Variants in ZNF536 observed in about 807,000 individuals in gnomAD.
The protein encoded by ZNF536 is zinc finger protein 536.
Under a neutral mutation model 84.5 loss-of-function variants are expected in ZNF536, and 13 were observed. The ratio of observed to expected loss-of-function variants is 0.15; its 90% CI spans 0.10 to 0.24. The LOEUF (loss-of-function observed/expected upper bound fraction) is 0.24. Among genes scored for constraint, ZNF536 ranks in the 10% least tolerant of loss-of-function variants. The probability of loss-of-function intolerance (pLI) is 1.00; values close to 1 mark genes in which losing one functional copy is unlikely to be tolerated. For synonymous variants in ZNF536, 811 were observed against 742.5 expected (o/e 1.09, Z -1.50); for missense variants, 1,536 against 1,747.5 (o/e 0.88, Z 2.16).
chr19:30,238,230 A>G (rs911238011), intron 1 of ZNF536, among the ~76,000 whole-genome samples: 13 of 152,202 alleles, frequency 8.5e-5, no homozygotes, highest in Non-Finnish European at 1.6e-4. Flanking sequence ...CGGGTGAAGA[A>G]GTGCCATTCC....
At chr19:30,239,556 G>C (rs916681075) in intron 1 of ZNF536, among the ~76,000 whole-genome samples, 2 of 152,190 alleles carry the variant, frequency 1.3e-5, no homozygotes, top group Non-Finnish European at 2.9e-5. Context: ...TGTTGTAGTT[G>C]CAAAGATTCT....
At chr19:30,654,114 G>T (rs531609777) in intron 1 of ZNF536, among the ~76,000 whole-genome samples, 1 of 152,122 alleles carries the variant, frequency 6.6e-6, no homozygotes, top group Admixed American at 6.5e-5. Flanking sequence ...TGTCGCCGAC[G>T]CTCCTTTGAA....
chr19:30,431,773 C>T (rs796649145), intron 1 of ZNF536, among the ~76,000 whole-genome samples: 9 of 152,254 alleles, frequency 5.9e-5, no homozygotes, highest in African/African-American at 1.7e-4. Flanking sequence ...AGGCCAGGGC[C>T]TCTGGTTCCC....
intron 2 of ZNF536, among the ~76,000 whole-genome samples, chr19:30,340,343 A>G (rs1488661894): frequency 6.6e-6 from 1 of 152,170 alleles, no homozygotes; most frequent in African/African-American, 2.4e-5. Context: ...AGGAAATGTC[A>G]GTCAGTCGGG....
intron 1 of ZNF536, among the ~76,000 whole-genome samples, chr19:30,254,011 T>G (rs1290611126): frequency 6.6e-6 from 1 of 152,188 alleles, no homozygotes; most frequent in Non-Finnish European, 1.5e-5. Flanking sequence ...AAGACTGATT[T>G]AACCACAATC....
At position 30,274,497 on chromosome 19, in the gene ZNF536, G is replaced by A. The variant is rs140730222; in HGVS notation, c.-189-9575G>A. On this transcript the variant is annotated intron_variant, in intron 1 of 5. Coordinates refer to the ZNF536 transcript ENST00000585628. ...GCAATTTGTAGTTTACACTCACAGC[G>A]CATCTCAATTTGGACTGGCCAGATT... Among the ~76,000 whole-genome samples, 66 of 152,292 alleles carry A rather than the reference G, an allele frequency of 4.3e-4. 1 individual carries two copies. The highest frequency in any genetic ancestry group is 1.4e-3 in the African/African-American group (58 of 41,556).
At chr19:30,537,370 T>C (rs10421376) in intron 3 of ZNF536, among the ~76,000 whole-genome samples, 32,643 of 152,060 alleles carry the variant, frequency 0.21, 4,825 homozygotes, top group African/African-American at 0.42. Context: ...AGGGCACCCA[T>C]GCTTGAGCTG....
chr19:30,343,492 C>A (rs190165825), intron 2 of ZNF536, among the ~76,000 whole-genome samples: 1 of 152,066 alleles, frequency 6.6e-6, no homozygotes, highest in African/African-American at 2.4e-5. Context: ...GGTGAGGCTC[C>A]GACTTAAGGG....
chr19:30,301,363 C>T (rs1415589454), intron 2 of ZNF536, among the ~76,000 whole-genome samples: 4 of 152,140 alleles, frequency 2.6e-5, no homozygotes, highest in Non-Finnish European at 4.4e-5. Context: ...AATGGGGTAG[C>T]GGCGATGCGG....
chr19:30,575,591 A>T (rs1270973939), intron 1 of ZNF536, among the ~76,000 whole-genome samples: 1 of 152,196 alleles, frequency 6.6e-6, no homozygotes, highest in Non-Finnish European at 1.5e-5. Flanking sequence ...TCCAGAAAGG[A>T]GGCAAAAACT....
At chr19:30,683,068 C>G (rs1490245858) in intron 1 of ZNF536, among the ~76,000 whole-genome samples, 2 of 151,784 alleles carry the variant, frequency 1.3e-5, no homozygotes, top group Non-Finnish European at 2.9e-5. Flanking sequence ...TCAACTTGCC[C>G]TCTCATTCAA....
At chr19:30,371,717 T>C (rs770021908), upstream of ZNF536, among the ~76,000 whole-genome samples, 3 of 151,796 alleles carry the variant, frequency 2.0e-5, no homozygotes, top group Non-Finnish European at 2.9e-5. Context: ...CAGCAGGAGA[T>C]GGAAAAGGCA....
At position 30,470,685 on chromosome 19, in the gene ZNF536, CTT is replaced by C. The variant is rs36018979; in HGVS notation, c.2170+24970_2170+24971del. The stretch of plus-strand genomic sequence containing the variant: ...CCTGGACGGGTATTTTGTAGACTGT[CTT>C]TTTTTTTTTTTTTTTTGAGATGGAG... On this transcript the variant is annotated intron_variant, in intron 2 of 4. Transcript: ENST00000355537. Among the ~76,000 whole-genome samples the C allele has an allele frequency of 6.2e-3, 776 of 125,910 alleles. 7 individuals carry two copies. Among genetic ancestry groups the C allele is most frequent in the African/African-American group, 0.022 (726 of 32,554 alleles). 82.6% of individuals were successfully genotyped at this position (125,910 alleles called of 152,430 possible).
rs372365807 is a variant in ZNF536 at position 30,303,744 on chromosome 19, C to T, written c.-120+19603C>T. On this transcript the variant is annotated intron_variant, in intron 2 of 5. Coordinates refer to the ZNF536 transcript ENST00000585628. ...TCTCTAAGTCCTGATCCACTTGCCT[C>T]GGCCTCCCAAAGTGCTGGGATTACA... 5.2e-4 allele frequency among the ~76,000 whole-genome samples: 79 copies of T among 152,256 alleles called. 2 individuals are homozygous for T. In the South Asian group the frequency reaches 0.015, roughly 29 times the overall value.
chr19:30,674,926 G>C (rs568133999), intron 1 of ZNF536, among the ~76,000 whole-genome samples: 1 of 152,050 alleles, frequency 6.6e-6, no homozygotes, highest in Non-Finnish European at 1.5e-5. Context: ...CGTGGGCATC[G>C]GGCTGGGCTC....
At chr19:30,589,102 G>A (rs1006075443) in intron 1 of ZNF536, among the ~76,000 whole-genome samples, 3 of 152,124 alleles carry the variant, frequency 2.0e-5, no homozygotes, top group Non-Finnish European at 4.4e-5. Flanking sequence ...TTAGATTTTG[G>A]TTCTCAATAG....
At chr19:30,515,927 T>TGAGGCAGGAGAATCGTTTG (rs2055620789) in intron 2 of ZNF536, among the ~76,000 whole-genome samples, 2 of 147,764 alleles carry the variant, frequency 1.4e-5, no homozygotes. Context: ...CTCGTGGGGC[T>TGAGGCAGGAGAATCGTTTG]GAGGCAGGAG....
At chr19:30,573,658 A>G (rs1264745088) in intron 1 of ZNF536, among the ~76,000 whole-genome samples, 1 of 152,110 alleles carries the variant, frequency 6.6e-6, no homozygotes, top group Non-Finnish European at 1.5e-5. Context: ...ATTGAACTAC[A>G]CCCACCCGGT....
rs546553150 is a variant in ZNF536 at position 30,653,063 on chromosome 19, G to C, written c.170-57694G>C. Among the ~76,000 whole-genome samples, 5 of 152,316 alleles carry C rather than the reference G, an allele frequency of 3.3e-5. No homozygotes were observed. The South Asian group carries it at 1.0e-3, about 32-fold the overall frequency. ...TGGGTGGAAAAGATTAAACATGAGG[G>C]AAGGTGCCGTTATCTGGGCATTTCC... On this transcript the variant is annotated intron_variant, in intron 1 of 1. Transcript: ENST00000592773.
Sources: gnomAD v4.1 joint callset for allele counts (sites outside exome capture counted in the v4.1 genomes callset) on GRCh38, gnomAD v4.1.1 for gene constraint, MANE v1.5 for transcripts, NCBI Gene and HGNC (gene_info 2026-07-23, HGNC 2026-07-21) for gene names.